Variants in ANO10 observed in about 807,000 individuals in gnomAD.
ANO10 encodes the protein anoctamin 10.
A neutral mutation model predicts 74.7 loss-of-function variants in ANO10; 77 were observed. The observed-to-expected ratio is 1.03, with a 90% CI of 0.86 to 1.25. ANO10 has a LOEUF of 1.25. Among genes scored for constraint, ANO10 ranks in the 50% most tolerant of loss-of-function variants. ANO10 has a pLI of 0.00. For synonymous variants in ANO10, 279 were observed against 284.9 expected (o/e 0.98, Z 0.21); for missense variants, 721 against 778.1 (o/e 0.93, Z 0.87).
intron 11 of ANO10, among the ~76,000 whole-genome samples, chr3:43,432,944 CTT>C (rs5848663): frequency 4.5e-4 from 25 of 55,274 alleles, no homozygotes; most frequent in African/African-American, 1.4e-3. Context: ...TTGCTTAATT[CTT>C]TTTTTTTTTT....
In ANO10 at chr3:43,435,837, C is replaced by CACCCCT. The variant is rs1318205889; in HGVS notation, c.1798-3116_1798-3111dup. Among the ~76,000 whole-genome samples the CACCCCT allele has an allele frequency of 7.9e-4, 120 of 152,290 alleles. No individual in the cohort carries two copies. In the East Asian group the frequency reaches 0.013, roughly 16 times the overall value. ...TAGCAAGTTATTTCTTGCTATCCTC[C>CACCCCT]ACCCCTACCCCTACCCCTAGGCAAA... On this transcript the variant is annotated intron_variant, in intron 11 of 12. Coordinates refer to ENST00000292246, the MANE Select transcript of ANO10 (RefSeq NM_018075.5).
At chr3:43,479,266 G>C (rs1021559579) in intron 11 of ANO10, among the ~76,000 whole-genome samples, 1 of 152,182 alleles carries the variant, frequency 6.6e-6, no homozygotes. Flanking sequence ...CACAGTCCCT[G>C]TTATCCCAGA....
Position 43,549,642 on chromosome 3 carries a change from C to T in ANO10, c.1797+78G>A, listed in dbSNP as rs9874278. 46 of 1,523,482 alleles carry T rather than the reference C, an allele frequency of 3.0e-5. No individual in the cohort carries two copies. The South Asian group carries it at 5.1e-4, about 17-fold the overall frequency. The allele number at this position is 1,523,482 out of a possible 1,614,324, so 94.4% of individuals were successfully genotyped here. ...ATATTGCTCAATTGTCAGTCATGGA[C>T]AGCCCGAGACAGCACTGCTTTGGAA... On this transcript the variant is annotated intron_variant, in intron 11 of 12. Coordinates refer to ENST00000292246, the MANE Select transcript of ANO10 (RefSeq NM_018075.5).
chr3:43,525,295 C>G (rs1258161968), intron 11 of ANO10, among the ~76,000 whole-genome samples: 1 of 152,192 alleles, frequency 6.6e-6, no homozygotes, highest in Non-Finnish European at 1.5e-5. Flanking sequence ...ATTCCCTCCA[C>G]AGTCCCTCAT....
intron 1 of ANO10, among the ~76,000 whole-genome samples, chr3:43,677,663 T>C (rs1037393407): frequency 6.6e-6 from 1 of 152,146 alleles, no homozygotes; most frequent in African/African-American, 2.4e-5. Flanking sequence ...ATTCAGGTGG[T>C]GGGCGGGCTG....
chr3:43,621,996 G>A lies in ANO10; in HGVS notation c.-99C>T, dbSNP rs1045197154. The A allele has an allele frequency of 1.3e-5, 2 of 152,690 alleles. No homozygotes were observed. Among genetic ancestry groups the A allele is most frequent in the Non-Finnish European group, 2.9e-5 (2 of 68,490 alleles). The allele number at this position is 152,690 out of a possible 1,614,324, so 9.5% of individuals were successfully genotyped here. The stretch of plus-strand genomic sequence containing the variant: ...GGGCGAAAGAGTGCTCGGTGCGGGG[G>A]GCGGGCCAGGCCAGTGGGGCGGGCG... On this transcript the variant is annotated 5_prime_UTR_variant, in exon 1 of 13. Coordinates refer to ENST00000292246, the MANE Select transcript of ANO10 (RefSeq NM_018075.5).
chr3:43,671,648 G>A (rs999977800), intron 1 of ANO10, among the ~76,000 whole-genome samples: 29 of 152,030 alleles, frequency 1.9e-4, no homozygotes, highest in African/African-American at 6.5e-4. Flanking sequence ...TATAATTTGT[G>A]TCTACATAAA....
intron 12 of ANO10, among the ~76,000 whole-genome samples, chr3:43,400,566 G>C (rs906063731): frequency 6.6e-6 from 1 of 152,062 alleles, no homozygotes; most frequent in Non-Finnish European, 1.5e-5. Context: ...TTGAGCCCAG[G>C]AATTCGAAAC....
chr3:43,490,593 G>T (rs1370820925), intron 11 of ANO10, among the ~76,000 whole-genome samples: 2 of 152,190 alleles, frequency 1.3e-5, no homozygotes, highest in African/African-American at 4.8e-5. Context: ...CATAGAAAAA[G>T]ATGGAAGGCT....
At chr3:43,521,469 T>C (rs2077953798) in intron 11 of ANO10, among the ~76,000 whole-genome samples, 2 of 152,126 alleles carry the variant, frequency 1.3e-5, no homozygotes, top group Admixed American at 1.3e-4. Flanking sequence ...ATCACAGAAA[T>C]GGAACTTTAC....
rs535772453 is a variant in ANO10, at chr3:43,674,882, G to A, written c.-12+16635C>T. ...CCTCTCCTAGAAGGGCATGACCTTG[G>A]TGAGACGGCTTTCCATAGTGATGTG... On this transcript the variant is annotated intron_variant, in intron 1 of 3. Coordinates refer to the ANO10 transcript ENST00000413397. Among the ~76,000 whole-genome samples the A allele has an allele frequency of 2.0e-5, 3 of 152,292 alleles. No individual in the cohort carries two copies. The East Asian group carries it at 5.8e-4, about 29-fold the overall frequency.
intron 11 of ANO10, among the ~76,000 whole-genome samples, chr3:43,541,501 T>C (rs1250838664): frequency 1.3e-5 from 2 of 152,200 alleles, no homozygotes; most frequent in Admixed American, 6.5e-5. Flanking sequence ...ATAAATGATA[T>C]AATTTTAATA....
Position 43,366,252 on chromosome 3 carries a change from C to T in ANO10, c.*654G>A, listed in dbSNP as rs941969309. Reference sequence around the variant, plus strand: ...CCAGCCAAGCCCCTCACCCTGGGCTCCTGATCTCACCGCTCCACCTTCAGT... The same window carrying T: ...CCAGCCAAGCCCCTCACCCTGGGCTTCTGATCTCACCGCTCCACCTTCAGT... On this transcript the variant is annotated 3_prime_UTR_variant, in exon 13 of 13. Transcript: ENST00000292246. 6.4e-6 allele frequency: 1 copy of T among 156,758 alleles called. No individual in the cohort carries two copies. The highest frequency in any genetic ancestry group is 1.4e-5 in the Non-Finnish European group (1 of 70,780). The allele number at this position is 156,758 out of a possible 1,614,324, so 9.7% of individuals were successfully genotyped here.
chr3:43,397,392 T>C (rs987009613), intron 12 of ANO10, among the ~76,000 whole-genome samples: 1 of 152,208 alleles, frequency 6.6e-6, no homozygotes, highest in African/African-American at 2.4e-5. Context: ...TAATTGATCA[T>C]GATTCTCCTC....
chr3:43,500,890 T>TCAA (rs150034760), intron 11 of ANO10, among the ~76,000 whole-genome samples: 6 of 152,058 alleles, frequency 3.9e-5, no homozygotes, highest in African/African-American at 7.2e-5. Context: ...AGAATGGTGA[T>TCAA]CAACAACAAC....
At chr3:43,533,371 T>C (rs1190672932) in intron 11 of ANO10, among the ~76,000 whole-genome samples, 1 of 152,180 alleles carries the variant, frequency 6.6e-6, no homozygotes, top group Non-Finnish European at 1.5e-5. Context: ...AAAAGTATAC[T>C]TATATCACAT....
chr3:43,534,176 T>G (rs2078596580), intron 11 of ANO10, among the ~76,000 whole-genome samples: 1 of 151,850 alleles, frequency 6.6e-6, no homozygotes, highest in African/African-American at 2.4e-5. Flanking sequence ...AAGAAGATAA[T>G]TATTTATGTA....
intron 11 of ANO10, among the ~76,000 whole-genome samples, chr3:43,522,098 T>A (rs2077983027): frequency 6.6e-6 from 1 of 151,988 alleles, no homozygotes; most frequent in Non-Finnish European, 1.5e-5. Context: ...ACAGGCAACA[T>A]CACAGAGACA....
At chr3:43,541,833 A>C (rs137964911) in intron 11 of ANO10, among the ~76,000 whole-genome samples, 1 of 152,216 alleles carries the variant, frequency 6.6e-6, no homozygotes, top group Admixed American at 6.5e-5. Flanking sequence ...TTAGTAAATG[A>C]TAACAGTGAC....
Sources: allele counts gnomAD v4.1 joint callset (sites outside exome capture counted in the v4.1 genomes callset), GRCh38; gene constraint gnomAD v4.1.1; transcripts MANE v1.5; gene names NCBI Gene and HGNC (gene_info 2026-07-23, HGNC 2026-07-21).